The following KIF25 variants were observed in gnomAD, a reference collection of about 807,000 sequenced individuals.
KIF25 encodes kinesin family member 25, also known as kinesin-like protein KIF25.
In KIF25, 19 loss-of-function variants were observed where a neutral mutation model predicts 32.9. That is an observed-to-expected ratio of 0.58 (90% CI 0.40 to 0.85). The LOEUF is 0.85. KIF25 is among the 40% of genes least tolerant of loss of function. The pLI is 0.00. For synonymous variants in KIF25, 225 were observed against 213.7 expected, an observed-to-expected ratio of 1.05 and a Z score of -0.46; for missense variants, 485 against 507.0, an observed-to-expected ratio of 0.96 and a Z score of 0.42.
At chr6:168,043,253 T>G (rs1270502926) in intron 12 of KIF25, among the ~76,000 whole-genome samples, 1 of 152,100 alleles carries the variant, frequency 6.6e-6, no homozygotes, top group Non-Finnish European at 1.5e-5. Flanking sequence ...CGACTCAGAC[T>G]CCAGACTGGT....
At chr6:168,029,908 G>A (rs761055185) in intron 6 of KIF25, among the ~76,000 whole-genome samples, 2 of 152,122 alleles carry the variant, frequency 1.3e-5, no homozygotes, top group South Asian at 2.1e-4. Flanking sequence ...AATTAATGCC[G>A]CTGCTGGAGG....
At chr6:168,024,310 A>T (rs1798827919) in intron 5 of KIF25, among the ~76,000 whole-genome samples, 1 of 148,420 alleles carries the variant, frequency 6.7e-6, no homozygotes, top group African/African-American at 2.4e-5. Flanking sequence ...CTTCCTCGTG[A>T]CACACAGTTT....
intron 10 of KIF25, among the ~76,000 whole-genome samples, chr6:168,041,528 T>A (rs967612028): frequency 8.5e-5 from 13 of 152,268 alleles, no homozygotes; most frequent in Non-Finnish European, 1.8e-4. Context: ...TTTGCTTTTT[T>A]AAAAAACCTA....
chr6:168,001,066 C>T (rs751606894), intron 2 of KIF25, among the ~76,000 whole-genome samples: 21 of 152,354 alleles, frequency 1.4e-4, no homozygotes, highest in Non-Finnish European at 2.5e-4. Flanking sequence ...ACTTTCTGCA[C>T]TTTTTTGACT....
At chr6:168,001,932 T>G (rs1447008522) in intron 2 of KIF25, among the ~76,000 whole-genome samples, 4 of 85,870 alleles carry the variant, frequency 4.7e-5, no homozygotes, top group Admixed American at 2.2e-4. Context: ...CTCGGGCAGG[T>G]GAGAAGACAC....
intron 2 of KIF25, among the ~76,000 whole-genome samples, chr6:168,000,471 C>T (rs1191810305): frequency 1.5e-5 from 2 of 133,386 alleles, no homozygotes; most frequent in Admixed American, 7.3e-5. Flanking sequence ...ACACCTGACC[C>T]TCCCCACTCC....
chr6:168,040,604 G>A (rs888921948), intron 10 of KIF25, among the ~76,000 whole-genome samples: 5 of 151,852 alleles, frequency 3.3e-5, no homozygotes, highest in Non-Finnish European at 5.9e-5. Flanking sequence ...AAATCAGCAT[G>A]CCTGCAGCAT....
chr6:168,013,546 G>C (rs1480046385), intron 4 of KIF25, among the ~76,000 whole-genome samples: 3 of 152,214 alleles, frequency 2.0e-5, no homozygotes, highest in African/African-American at 4.8e-5. Flanking sequence ...GGGATGGCTG[G>C]GGGGTGAGCA....
At chr6:168,018,607 G>C (rs750232151) in intron 5 of KIF25, among the ~76,000 whole-genome samples, 5 of 152,130 alleles carry the variant, frequency 3.3e-5, no homozygotes, top group Non-Finnish European at 7.3e-5. Flanking sequence ...ACTAACAATA[G>C]GGCTTTCTGT....
At position 168,018,959 on chromosome 6, in the gene KIF25, G is replaced by A. The variant is rs531381068; in HGVS notation, c.-95+919G>A. Among the ~76,000 whole-genome samples the A allele has an allele frequency of 4.6e-5, 7 of 152,348 alleles. No homozygotes were observed. The East Asian group carries it at 9.6e-4, about 21-fold the overall frequency. On this transcript the variant is annotated intron_variant, in intron 5 of 12. Transcript: ENST00000643607. Reference sequence around the variant, plus strand: ...GGAAAGAACCACCGGGGAGGAGCCCGGGAGAAAGTCTGCAGAGCTCACACA... The same window carrying A: ...GGAAAGAACCACCGGGGAGGAGCCCAGGAGAAAGTCTGCAGAGCTCACACA...
At chr6:168,000,938 A>G (rs1798492632) in intron 2 of KIF25, among the ~76,000 whole-genome samples, 1 of 152,260 alleles carries the variant, frequency 6.6e-6, no homozygotes, top group Non-Finnish European at 1.5e-5. Flanking sequence ...TGACTTGAGA[A>G]GGTCTTTAGA....
chr6:168,005,332 C>T (rs1039589793), intron 4 of KIF25, among the ~76,000 whole-genome samples: 1 of 152,154 alleles, frequency 6.6e-6, no homozygotes, highest in Non-Finnish European at 1.5e-5. Context: ...GTGGGGTCTA[C>T]CTGACACAGA....
At chr6:168,042,888 G>A (rs963566182) in intron 12 of KIF25, among the ~76,000 whole-genome samples, 172 bp downstream of exon 12, 8 of 152,100 alleles carry the variant, frequency 5.3e-5, no homozygotes, top group Admixed American at 3.9e-4. Context: ...CTCCTGCGCC[G>A]TCTCACCTTG....
intron 8 of KIF25, among the ~76,000 whole-genome samples, chr6:168,035,479 T>TGCGGGGGGGGCGGGAACGGC (rs1799008797): frequency 3.5e-5 from 1 of 28,788 alleles, no homozygotes; most frequent in Non-Finnish European, 6.3e-5. Context: ...GCGGGAACGG[T>TGCGGGGGGGGCGGGAACGGC]GCTGAGGTGG....
At chr6:168,041,103 G>A (rs1219550024) in intron 10 of KIF25, among the ~76,000 whole-genome samples, 1 of 152,354 alleles carries the variant, frequency 6.6e-6, no homozygotes, top group East Asian at 1.9e-4. Context: ...GCCGGAACAT[G>A]AGACTGTAGT....
chr6:168,017,567 AT>A (rs1400494856), intron 4 of KIF25, among the ~76,000 whole-genome samples: 1 of 152,052 alleles, frequency 6.6e-6, no homozygotes, highest in Non-Finnish European at 1.5e-5. Context: ...CTGAGATGTG[AT>A]TTTTTTGCCA....
chr6:168,001,629 G>A (rs569579817), intron 2 of KIF25, among the ~76,000 whole-genome samples: 14 of 143,074 alleles, frequency 9.8e-5, no homozygotes, highest in Non-Finnish European at 1.2e-4. Context: ...CCTCGGGCAG[G>A]TGAGAAGACA....
chr6:168,033,773 G>A, intron 7 of KIF25, 109 bp from the exon 8 acceptor site: 1 of 1,150,954 alleles, frequency 8.7e-7, no homozygotes, highest in Non-Finnish European at 1.3e-6. Context: ...AGTAACAGGA[G>A]AATAGGAAAT....
Position 168,042,620 on chromosome 6 carries a change from G to A in KIF25, c.889G>A (p.Ala297Thr). The A allele has an allele frequency of 1.2e-5, 20 of 1,613,984 alleles. No individual in the cohort carries two copies. Among genetic ancestry groups the A allele is most frequent in the Non-Finnish European group, 1.7e-5 (20 of 1,180,030 alleles). ...REMACISRSL[A>T]ALAGVLGALL... is the part of the protein sequence containing the mutation. Reference sequence around the variant, plus strand: ...GATGGCGTGCATCAGCCGCAGCCTTGCGGCCCTGGCAGGCGTCCTGGGGGC... The same window carrying A: ...GATGGCGTGCATCAGCCGCAGCCTTACGGCCCTGGCAGGCGTCCTGGGGGC... The change falls in exon 12 of 13, where the codon GCG (alanine) becomes ACG (threonine). Residue 297 changes from alanine (A) to threonine (T), a missense_variant. Transcript: ENST00000643607.
Sources: allele counts gnomAD v4.1 joint callset (sites outside exome capture counted in the v4.1 genomes callset), GRCh38; gene constraint gnomAD v4.1.1; transcripts MANE v1.5; gene names NCBI Gene and HGNC (gene_info 2026-07-23, HGNC 2026-07-21).